The following MDGA2 variants were observed in gnomAD, a reference collection of about 807,000 sequenced individuals.
MDGA2 encodes the protein MAM domain-containing glycosylphosphatidylinositol anchor protein 2.
Under a neutral mutation model 117.8 loss-of-function variants are expected in MDGA2, and 40 were observed. The observed-to-expected ratio is 0.34, with a 90% CI of 0.26 to 0.44. The LOEUF is 0.44. Among genes scored for constraint, MDGA2 ranks in the 20% least tolerant of loss-of-function variants. The pLI, the probability that MDGA2 is intolerant of heterozygous loss-of-function variation, is 1.00. For synonymous variants in MDGA2, 452 were observed against 439.0 expected (o/e 1.03, Z -0.37); for missense variants, 1,123 against 1,250.6 (o/e 0.90, Z 1.54).
At chr14:47,249,584 G>A (rs896243669) in intron 2 of MDGA2, among the ~76,000 whole-genome samples, 1 of 151,772 alleles carries the variant, frequency 6.6e-6, no homozygotes, top group South Asian at 2.1e-4. Context: ...CTTCAACCTC[G>A]CAGAGTGCTG....
intron 3 of MDGA2, among the ~76,000 whole-genome samples, chr14:47,150,157 T>C (rs150583934): frequency 6.6e-6 from 1 of 152,306 alleles, no homozygotes; most frequent in African/African-American, 2.4e-5. Context: ...GCAACTTCCA[T>C]AGGTCCAGAT....
intron 8 of MDGA2, among the ~76,000 whole-genome samples, chr14:47,000,664 C>G (rs1317339723): frequency 6.6e-6 from 1 of 151,018 alleles, no homozygotes; most frequent in Admixed American, 6.7e-5. Flanking sequence ...TCCATAAGTT[C>G]AAATATTAGG....
At chr14:47,437,545 T>G (rs554249016) in intron 1 of MDGA2, among the ~76,000 whole-genome samples, 2 of 152,274 alleles carry the variant, frequency 1.3e-5, no homozygotes, top group African/African-American at 4.8e-5. Flanking sequence ...CCTCATGTCT[T>G]GTACTCAAAT....
At chr14:46,908,123 T>G (rs1292762511) in intron 10 of MDGA2, among the ~76,000 whole-genome samples, 1 of 152,170 alleles carries the variant, frequency 6.6e-6, no homozygotes, top group East Asian at 1.9e-4. Flanking sequence ...CAATTTCTGG[T>G]GCTTATTACA....
chr14:47,098,710 A>G (rs1382966081), intron 5 of MDGA2, among the ~76,000 whole-genome samples: 1 of 151,926 alleles, frequency 6.6e-6, no homozygotes, highest in Non-Finnish European at 1.5e-5. Flanking sequence ...TGATTAAAAT[A>G]TAGAGATCTC....
At chr14:47,275,220 A>G (rs2139716336) in intron 2 of MDGA2, among the ~76,000 whole-genome samples, 1 of 152,338 alleles carries the variant, frequency 6.6e-6, no homozygotes, top group African/African-American at 2.4e-5. Flanking sequence ...CGAACAAGCA[A>G]TGTCATGTAA....
At chr14:47,460,789 C>A (rs1163199435) in intron 1 of MDGA2, among the ~76,000 whole-genome samples, 1 of 152,016 alleles carries the variant, frequency 6.6e-6, no homozygotes, top group Non-Finnish European at 1.5e-5. Flanking sequence ...ATATGAGTAT[C>A]CCTGATCCAT....
At chr14:47,095,337 C>T (rs1479678070) in intron 6 of MDGA2, among the ~76,000 whole-genome samples, 2 of 151,944 alleles carry the variant, frequency 1.3e-5, no homozygotes, top group Non-Finnish European at 2.9e-5. Flanking sequence ...TATTAATGCT[C>T]TTAATGACAC....
intron 11 of MDGA2, 141 bp from the exon 12 acceptor site, chr14:46,877,650 T>C (rs1179945949): frequency 3.8e-6 from 2 of 522,870 alleles, no homozygotes; most frequent in Non-Finnish European, 6.8e-6. Flanking sequence ...GCCATTGAGA[T>C]TTATATCTGC....
At chr14:47,238,869 A>G (rs1210722267) in intron 2 of MDGA2, among the ~76,000 whole-genome samples, 4 of 151,798 alleles carry the variant, frequency 2.6e-5, no homozygotes, top group Admixed American at 2.6e-4. Context: ...CAAATAATAC[A>G]AAATGATTTA....
intron 8 of MDGA2, among the ~76,000 whole-genome samples, chr14:47,021,693 T>C (rs1277909044): frequency 1.3e-5 from 2 of 152,192 alleles, no homozygotes; most frequent in Non-Finnish European, 2.9e-5. Flanking sequence ...TGCATTATTA[T>C]ATAAATCAGA....
intron 9 of MDGA2, among the ~76,000 whole-genome samples, chr14:46,926,304 G>A (rs1555335305): frequency 6.6e-6 from 1 of 151,726 alleles, no homozygotes; most frequent in Non-Finnish European, 1.5e-5. Context: ...TTCCACAAAA[G>A]ACACACTTGC....
At chr14:46,975,721 TA>T (rs1009732595) in intron 8 of MDGA2, among the ~76,000 whole-genome samples, 13 of 152,100 alleles carry the variant, frequency 8.5e-5, no homozygotes, top group African/African-American at 2.9e-4. Context: ...GAGTTACTAT[TA>T]AAAAATACCA....
intron 1 of MDGA2, among the ~76,000 whole-genome samples, chr14:47,518,502 T>C (rs1034079143): frequency 6.6e-6 from 1 of 152,212 alleles, no homozygotes; most frequent in Admixed American, 6.5e-5. Flanking sequence ...TTGATCTACA[T>C]ATCACATCAC....
chr14:47,304,684 A>G (rs1170858975), intron 1 of MDGA2, among the ~76,000 whole-genome samples: 1 of 152,104 alleles, frequency 6.6e-6, no homozygotes, highest in East Asian at 1.9e-4. Context: ...AGAACCTACA[A>G]TATCTCCCTA....
At chr14:47,522,016 CA>C in intron 1 of MDGA2, among the ~76,000 whole-genome samples, 1 of 152,090 alleles carries the variant, frequency 6.6e-6, no homozygotes, top group Non-Finnish European at 1.5e-5. Flanking sequence ...CAAAACGAAA[CA>C]AAAAACTGTC....
intron 10 of MDGA2, 133 bp from the exon 11 acceptor site, chr14:46,882,354 A>C (rs1027222520): frequency 7.6e-5 from 53 of 694,464 alleles, no homozygotes; most frequent in South Asian, 8.0e-5. Context: ...ATTAAAGTTC[A>C]AGTTTCTATA....
At chr14:47,215,736 T>C (rs999475431) in intron 3 of MDGA2, among the ~76,000 whole-genome samples, 8 of 152,258 alleles carry the variant, frequency 5.3e-5, no homozygotes, top group African/African-American at 1.4e-4. Flanking sequence ...TGTTTATTTA[T>C]AGAGTATAGA....
intron 3 of MDGA2, among the ~76,000 whole-genome samples, chr14:47,170,846 G>T (rs886763120): frequency 7.0e-4 from 107 of 152,206 alleles, no homozygotes; most frequent in African/African-American, 2.5e-3. Context: ...CTAGATGAAA[G>T]TTGGCTAACC....
Sources: gnomAD v4.1 joint callset for allele counts (sites outside exome capture counted in the v4.1 genomes callset) on GRCh38, gnomAD v4.1.1 for gene constraint, MANE v1.5 for transcripts, NCBI Gene and HGNC (gene_info 2026-07-23, HGNC 2026-07-21) for gene names.